The following WDR70 variants were observed in gnomAD, a reference collection of about 807,000 sequenced individuals.
The protein encoded by WDR70 is WD repeat-containing protein 70.
In WDR70, 53 loss-of-function variants were observed where a neutral mutation model predicts 88.6. That is an observed-to-expected ratio of 0.60 (90% confidence interval 0.48 to 0.75). The LOEUF is 0.75. Ranked by LOEUF, WDR70 falls within the 30% of genes least tolerant of loss-of-function variation. The probability of loss-of-function intolerance (pLI) is 0.00; values close to 1 mark genes in which losing one functional copy is unlikely to be tolerated. For synonymous variants in WDR70, 280 were observed against 270.0 expected (o/e 1.04, Z -0.36); for missense variants, 610 against 823.2 (o/e 0.74, Z 3.17).
chr5:37,460,621 C>CA (rs1487266213), intron 7 of WDR70, among the ~76,000 whole-genome samples: 1 of 72,862 alleles, frequency 1.4e-5, no homozygotes, highest in Non-Finnish European at 3.1e-5. Flanking sequence ...AGCACACCAG[C>CA]ATGGCACATG....
chr5:37,594,624 C>T (rs528732703), intron 9 of WDR70, among the ~76,000 whole-genome samples: 12 of 152,258 alleles, frequency 7.9e-5, no homozygotes, highest in African/African-American at 2.4e-4. Flanking sequence ...GTTGGCAATG[C>T]GGGCTCTTTT....
chr5:37,480,086 C>T, intron 8 of WDR70, 99 bp downstream of exon 8: 2 of 1,409,654 alleles, frequency 1.4e-6, no homozygotes, highest in South Asian at 1.4e-5. Context: ...AAGTTAGTGT[C>T]ATAAAACAAT....
chr5:37,676,179 A>G (rs1561064217), intron 10 of WDR70, among the ~76,000 whole-genome samples: 1 of 151,442 alleles, frequency 6.6e-6, no homozygotes, highest in Non-Finnish European at 1.5e-5. Flanking sequence ...GTCATCTGCA[A>G]ACAGGGACAA....
chr5:37,716,705 T>A (rs1320451847), intron 13 of WDR70, among the ~76,000 whole-genome samples: 2 of 152,204 alleles, frequency 1.3e-5, no homozygotes, highest in Non-Finnish European at 2.9e-5. Flanking sequence ...AAAGTTCCAG[T>A]ACCTAATAAT....
chr5:37,392,549 A>C (rs1748869474), intron 4 of WDR70, among the ~76,000 whole-genome samples: 1 of 152,102 alleles, frequency 6.6e-6, no homozygotes. Flanking sequence ...AGGTTTTACC[A>C]TGTTGGCCAG....
In WDR70 at chr5:37,678,053, C is replaced by T. The variant is rs917831271; in HGVS notation, c.1093-19602C>T. On this transcript the variant is annotated intron_variant, in intron 10 of 17. Transcript: ENST00000265107. ...GTTTTATCAGAGACTAGGATTGCAA[C>T]CCCTGCCTTTTTTTGTTTTCCATTT... 1.2e-4 allele frequency among the ~76,000 whole-genome samples: 18 copies of T among 152,192 alleles called. No homozygotes were observed. The East Asian group carries it at 1.4e-3, about 11-fold the overall frequency.
At chr5:37,741,771 C>A (rs1748489476) in intron 17 of WDR70, among the ~76,000 whole-genome samples, 2 of 152,188 alleles carry the variant, frequency 1.3e-5, no homozygotes, top group African/African-American at 4.8e-5. Flanking sequence ...CCATTTCACC[C>A]TCCACCCAGT....
intron 9 of WDR70, among the ~76,000 whole-genome samples, chr5:37,523,880 G>A (rs1467999009): frequency 1.3e-5 from 2 of 152,214 alleles, no homozygotes; most frequent in Non-Finnish European, 2.9e-5. Context: ...AAGGGTATCA[G>A]TGATTGAAGA....
intron 9 of WDR70, among the ~76,000 whole-genome samples, chr5:37,586,671 T>A (rs372577092): frequency 4.0e-5 from 6 of 151,854 alleles, no homozygotes; most frequent in Admixed American, 3.3e-4. Context: ...ACCTTCTTTT[T>A]AAAAGCATTC....
intron 9 of WDR70, among the ~76,000 whole-genome samples, chr5:37,528,087 T>G (rs1741357623): frequency 6.6e-6 from 1 of 152,212 alleles, no homozygotes; most frequent in Non-Finnish European, 1.5e-5. Flanking sequence ...CTCGAGGATC[T>G]ATAACTAGAA....
intron 9 of WDR70, among the ~76,000 whole-genome samples, chr5:37,563,559 AC>A (rs1375432573): frequency 0.23 from 7,310 of 31,340 alleles, 2,816 homozygotes; most frequent in African/African-American, 0.72. Context: ...CGGGGGGCTG[AC>A]CCCCCCCCAC....
intron 8 of WDR70, among the ~76,000 whole-genome samples, chr5:37,507,423 T>C (rs2112234470): frequency 6.6e-6 from 1 of 152,324 alleles, no homozygotes; most frequent in South Asian, 2.1e-4. Flanking sequence ...TTAATTGTAG[T>C]CACCCTACTG....
intron 10 of WDR70, among the ~76,000 whole-genome samples, chr5:37,627,323 G>A (rs149094584): frequency 6.2e-4 from 95 of 152,148 alleles, no homozygotes; most frequent in African/African-American, 2.2e-3. Context: ...CGTTTCCATA[G>A]TTCTCAAACG....
intron 9 of WDR70, among the ~76,000 whole-genome samples, chr5:37,534,046 T>C (rs573050171): frequency 3.9e-5 from 6 of 152,318 alleles, no homozygotes; most frequent in Admixed American, 3.9e-4. Context: ...TTTCCTGGTA[T>C]GTTCCTGTGG....
intron 5 of WDR70, among the ~76,000 whole-genome samples, chr5:37,432,055 T>G (rs955468680): frequency 6.6e-6 from 1 of 152,216 alleles, no homozygotes; most frequent in African/African-American, 2.4e-5. Flanking sequence ...TTTCAATTCT[T>G]TTGGGTATAT....
At position 37,722,847 on chromosome 5, in the gene WDR70, C is replaced by T. The variant is rs773020226; in HGVS notation, c.1518-8C>T. On this transcript the variant is annotated splice_region_variant and splice_polypyrimidine_tract_variant and intron_variant, in intron 14 of 17. Transcript: ENST00000265107. ...GTAAAGAAAATAATTTGCTTTTACA[C>T]CCGTTAGGGGAGCAAAATTATGTGT... 3 of 1,613,276 alleles carry T rather than the reference C, an allele frequency of 1.9e-6. No individual in the cohort carries two copies. The highest frequency in any genetic ancestry group is 2.2e-5 in the South Asian group (2 of 91,062).
chr5:37,746,344 C>T (rs1467597125), intron 17 of WDR70, among the ~76,000 whole-genome samples: 1 of 152,054 alleles, frequency 6.6e-6, no homozygotes, highest in African/African-American at 2.4e-5. Context: ...CAAAACGACA[C>T]CCTAACATCA....
At chr5:37,741,924 C>T (rs1748494764) in intron 17 of WDR70, among the ~76,000 whole-genome samples, 2 of 152,202 alleles carry the variant, frequency 1.3e-5, no homozygotes, top group East Asian at 1.9e-4. Context: ...ATCTGTATTA[C>T]AGCATGTTAT....
chr5:37,452,446 A>G (rs1738704441), intron 7 of WDR70, among the ~76,000 whole-genome samples: 1 of 152,024 alleles, frequency 6.6e-6, no homozygotes, highest in Non-Finnish European at 1.5e-5. Context: ...TTGTATTTTT[A>G]GTAGAGACGT....
Sources: allele counts gnomAD v4.1 joint callset (sites outside exome capture counted in the v4.1 genomes callset), GRCh38; gene constraint gnomAD v4.1.1; transcripts MANE v1.5; gene names NCBI Gene and HGNC (gene_info 2026-07-23, HGNC 2026-07-21).